The following FADS3 variants were observed in gnomAD, a reference collection of about 807,000 sequenced individuals.
The protein encoded by FADS3 is cytochrome b5-related protein.
FADS3 carries 30 observed loss-of-function variants against 60.4 expected under a neutral mutation model. The ratio of observed to expected loss-of-function variants is 0.50; its 90% confidence interval spans 0.37 to 0.67. The LOEUF (loss-of-function observed/expected upper bound fraction) is 0.67. Among genes scored for constraint, FADS3 ranks in the 30% least tolerant of loss-of-function variants. The probability of loss-of-function intolerance (pLI) is 0.00; values close to 1 mark genes in which losing one functional copy is unlikely to be tolerated. For synonymous variants in FADS3, 234 were observed against 249.3 expected, an observed-to-expected ratio of 0.94 and a Z score of 0.58; for missense variants, 432 against 598.3, an observed-to-expected ratio of 0.72 and a Z score of 2.90.
chr11:61,875,349 G>T (rs1937826928), intron 11 of FADS3, among the ~76,000 whole-genome samples: 1 of 151,326 alleles, frequency 6.6e-6, no homozygotes, highest in African/African-American at 2.4e-5. Context: ...TGGGATTATG[G>T]GCACCTGCCA....
intron 1 of FADS3, among the ~76,000 whole-genome samples, chr11:61,884,714 G>A (rs1307247943): frequency 1.3e-5 from 2 of 152,142 alleles, no homozygotes; most frequent in South Asian, 2.1e-4. Context: ...AGTGCACCCA[G>A]GAACATCCAC....
At chr11:61,883,699 T>C (rs74626285) in intron 1 of FADS3, among the ~76,000 whole-genome samples, 5,189 of 152,274 alleles carry the variant, frequency 0.034, 267 homozygotes, top group African/African-American at 0.11. Context: ...GGCCACCTTA[T>C]TGAGCTGAGG....
At chr11:61,882,669 C>T (rs547368886) in intron 1 of FADS3, 1 of 152,418 alleles carries the variant, frequency 6.6e-6, no homozygotes, top group South Asian at 2.1e-4. Flanking sequence ...GATCCTCCCA[C>T]CTCAGCCTCC....
chr11:61,873,730 G>T lies in FADS3; in HGVS notation c.*84C>A. On this transcript the variant is annotated 3_prime_UTR_variant, in exon 12 of 12. Transcript: ENST00000278829. ...GCAGGGCACCCCCAGGCTGGCCAGTGGAGGGGTGAGGGTATCGATCCCGCC... is the reference window on the plus strand; with the variant it reads ...GCAGGGCACCCCCAGGCTGGCCAGTTGAGGGGTGAGGGTATCGATCCCGCC... 1 of 941,658 alleles carries T rather than the reference G, an allele frequency of 1.1e-6. No homozygotes were observed. Among genetic ancestry groups the T allele is most frequent in the Non-Finnish European group, 1.7e-6 (1 of 589,754 alleles). The allele number at this position is 941,658 out of a possible 1,614,324, so 58.3% of individuals were successfully genotyped here.
At chr11:61,885,242 G>A (rs189827929) in intron 1 of FADS3, among the ~76,000 whole-genome samples, 1 of 152,114 alleles carries the variant, frequency 6.6e-6, no homozygotes, top group Non-Finnish European at 1.5e-5. Flanking sequence ...CTGGTCGGGG[G>A]GGTGTCCCAG....
chr11:61,876,770 GC>G lies in FADS3; in HGVS notation c.983+95del. The G allele has an allele frequency of 1.0e-6, 1 of 967,482 alleles. No individual in the cohort carries two copies. The highest frequency in any genetic ancestry group is 1.6e-6 in the Non-Finnish European group (1 of 617,978). The allele number at this position is 967,482 out of a possible 1,614,324, so 59.9% of individuals were successfully genotyped here. A position where few individuals can be genotyped will look rare whatever the true frequency, so the allele number is the denominator to read the frequency against. The stretch of plus-strand genomic sequence containing the variant: ...GCAAGCCAGGGAGGCAGTACCACTG[GC>G]CCCATTCTGCAGACGGGAAAAGGGA... On this transcript the variant is annotated intron_variant, in intron 8 of 11. Transcript: ENST00000278829. The surrounding 1 kb of genome is among the most constrained non-coding windows in gnomAD (Gnocchi z 5.7).
Position 61,875,917 on chromosome 11 carries a change from A to C in FADS3, c.1220T>G (p.Leu407Arg). Residue 407 changes from leucine (L) to arginine (R), a missense_variant, in exon 11 of 12, where the codon CTG (leucine) becomes CGG (arginine). Coordinates refer to ENST00000278829, the MANE Select transcript of FADS3 (RefSeq NM_021727.5). ...GTAGCTGAGGCCGTGCTTGGCACAC[A>C]GCGACTTGACCAGCGGGGCCACCCG... ...YSRVAPLVKS[L>R]CAKHGLSYEV... 1 of 1,613,836 alleles carries C rather than the reference A, an allele frequency of 6.2e-7. No individual in the cohort carries two copies.
rs376530045 is a variant in FADS3, at chr11:61,875,835, C to T, written c.1286+16G>A. The stretch of plus-strand genomic sequence containing the variant: ...GGGGAAGCCACCAGAACAGAGGGGC[C>T]GGGCTGCAGCCTCACCTGACGATGT... On this transcript the variant is annotated intron_variant, in intron 11 of 11. Transcript: ENST00000278829. The T allele has an allele frequency of 2.7e-5, 44 of 1,609,430 alleles. No individual in the cohort carries two copies. The highest frequency in any genetic ancestry group is 9.4e-5 in the African/African-American group (7 of 74,850).
At chr11:61,884,832 A>T (rs989093335) in intron 1 of FADS3, among the ~76,000 whole-genome samples, 1 of 152,182 alleles carries the variant, frequency 6.6e-6, no homozygotes, top group South Asian at 2.1e-4. Context: ...GAGCTGGGTG[A>T]AAGTGCTGGA....
At chr11:61,878,132 C>T (rs763963678) in intron 6 of FADS3, 23 bp downstream of exon 6, 1 of 1,611,902 alleles carries the variant, frequency 6.2e-7, no homozygotes, top group African/African-American at 1.3e-5. Context: ...TCCCCCACCC[C>T]AGAAGGACAG....
In FADS3 at chr11:61,873,755, CG is replaced by C. The variant is rs1937763660; in HGVS notation, c.*58del. 2.2e-6 allele frequency: 3 copies of C among 1,364,602 alleles called. No individual in the cohort carries two copies. Among genetic ancestry groups the C allele is most frequent in the South Asian group, 1.2e-5 (1 of 82,296 alleles). 84.5% of individuals were successfully genotyped at this position (1,364,602 alleles called of 1,614,324 possible). On this transcript the variant is annotated 3_prime_UTR_variant, in exon 12 of 12. Transcript: ENST00000278829. ...GGAGGGGTGAGGGTATCGATCCCGC[CG>C]GGGGCTGGCTTGGTTGCTGGTGCCC...
In FADS3 at chr11:61,877,291, CT is replaced by C. The variant is rs11285796; in HGVS notation, c.885+219del. ...TCACCGAGAGAGACCCACACCCCCC[CT>C]GTTCCTCAACCCCCCCCCACCACAC... is the stretch of plus-strand genomic sequence containing the variant. On this transcript the variant is annotated intron_variant, in intron 7 of 11. Transcript: ENST00000278829. The surrounding 1 kb of genome is among the most constrained non-coding windows in gnomAD (Gnocchi z 4.7). The C allele has an allele frequency of 0.034, 9,185 of 273,908 alleles. 1,117 individuals carry two copies. Among genetic ancestry groups the C allele is most frequent in the African/African-American group, 0.23 (8,549 of 37,720 alleles). The allele number at this position is 273,908 out of a possible 1,614,324, so 17.0% of individuals were successfully genotyped here.
Position 61,877,674 on chromosome 11 carries a change from G to T in FADS3, c.809-87C>A. ...CAGAGTGAGGGGCTCTGTTACTCCA[G>T]GAATGCCCCTGGGACGTTGGTGCTG... On this transcript the variant is annotated intron_variant, in intron 6 of 11. Transcript: ENST00000278829. This position sits in a 1 kb window ranked among gnomAD's most constrained non-coding sequence, Gnocchi z 4.7. 8.1e-7 allele frequency: 1 copy of T among 1,234,796 alleles called. No homozygotes were observed. The highest frequency in any genetic ancestry group is 1.2e-6 in the Non-Finnish European group (1 of 859,188). The allele number at this position is 1,234,796 out of a possible 1,614,324, so 76.5% of individuals were successfully genotyped here.
At chr11:61,891,121 G>A in intron 1 of FADS3, 48 bp downstream of exon 1, 2 of 1,479,012 alleles carry the variant, frequency 1.4e-6, no homozygotes, top group Non-Finnish European at 1.8e-6. Context: ...CCACGACCGA[G>A]CTCCAGGCTC....
intron 1 of FADS3, among the ~76,000 whole-genome samples, chr11:61,889,682 T>C (rs1359858232): frequency 2.7e-5 from 4 of 149,246 alleles, no homozygotes; most frequent in Non-Finnish European, 4.5e-5. Flanking sequence ...TCTGTATCCA[T>C]ACTGTCCTCT....
At chr11:61,885,686 G>A (rs2136000089) in intron 1 of FADS3, among the ~76,000 whole-genome samples, 1 of 152,302 alleles carries the variant, frequency 6.6e-6, no homozygotes, top group Admixed American at 6.5e-5. Flanking sequence ...CACTCCCTAG[G>A]AGAATCAAGA....
rs1328695024 is a variant in FADS3, at chr11:61,876,958, C to A, written c.891G>T (p.Leu297Phe). The stretch of plus-strand genomic sequence containing the variant: ...GGGCATAGAAGCTGGCGGCCCAGAG[C>A]AAATCCTGCAGAGGAGGGCAGAGGC... Reference protein sequence around the residue: ...YMLVCMQWADLLWAASFYARF... With the variant: ...YMLVCMQWADFLWAASFYARF... The change falls in exon 8 of 12, where the codon TTG (leucine) becomes TTT (phenylalanine). Residue 297 changes from leucine to phenylalanine, a missense_variant. This residue lies in a region of FADS3 where 38 missense variants were observed against 34.8 expected (regional missense o/e 1.09). Coordinates refer to ENST00000278829, the MANE Select transcript of FADS3 (RefSeq NM_021727.5). The surrounding 1 kb of genome is among the most constrained non-coding windows in gnomAD (Gnocchi z 5.7). The A allele has an allele frequency of 5.0e-6, 8 of 1,598,910 alleles. No individual in the cohort carries two copies. In the Admixed American group the frequency reaches 1.2e-4, roughly 24 times the overall value.
At chr11:61,889,433 C>T (rs1195021002) in intron 1 of FADS3, among the ~76,000 whole-genome samples, 2 of 151,588 alleles carry the variant, frequency 1.3e-5, no homozygotes, top group South Asian at 2.1e-4. Flanking sequence ...GGGTGGATCA[C>T]GAGGTCAGGA....
chr11:61,884,278 G>T (rs1326926374), intron 1 of FADS3, among the ~76,000 whole-genome samples: 2 of 152,142 alleles, frequency 1.3e-5, no homozygotes, highest in Non-Finnish European at 2.9e-5. Flanking sequence ...TGGACACAGG[G>T]AAGGGAACAT....
Sources: gnomAD v4.1 joint callset for allele counts (sites outside exome capture counted in the v4.1 genomes callset) on GRCh38, gnomAD v4.1.1 for gene constraint, gnomAD v4.1.1 regional missense constraint, Gnocchi (gnomAD v3.1) non-coding constraint, MANE v1.5 for transcripts, NCBI Gene and HGNC (gene_info 2026-07-23, HGNC 2026-07-21) for gene names.